ZNF678: variants seen among roughly 807,000 people sequenced by gnomAD.
The protein encoded by ZNF678 is zinc finger protein 678, also known as hypothetical protein MGC42493.
A neutral mutation model predicts 3.0 loss-of-function variants in ZNF678; 5 were observed. That is an observed-to-expected ratio of 1.69 (90% CI 0.88 to 3.56). The LOEUF (loss-of-function observed/expected upper bound fraction) is 3.56, where lower values mean the gene tolerates loss of function less well. Among genes scored for constraint, ZNF678 ranks in the 30% most tolerant of loss-of-function variants. The pLI is 0.00. For synonymous variants in ZNF678, 218 were observed against 199.6 expected (o/e 1.09, Z -0.78); for missense variants, 593 against 605.0 (o/e 0.98, Z 0.21).
At chr1:227,576,331 C>T (rs1656986045) in intron 1 of ZNF678, among the ~76,000 whole-genome samples, 1 of 152,204 alleles carries the variant, frequency 6.6e-6, no homozygotes, top group Non-Finnish European at 1.5e-5. Flanking sequence ...ATGGAACCAG[C>T]TGTTCTTTGT....
At chr1:227,629,109 GGGGCTA>G in intron 1 of ZNF678, among the ~76,000 whole-genome samples, 1 of 152,282 alleles carries the variant, frequency 6.6e-6, no homozygotes, top group South Asian at 2.1e-4. Context: ...GAGTATTGCA[GGGGCTA>G]TTGCATGGTT....
At chr1:227,662,856 T>G, downstream of ZNF678, among the ~76,000 whole-genome samples, 1 of 152,224 alleles carries the variant, frequency 6.6e-6, no homozygotes, top group East Asian at 1.9e-4. Context: ...AAGTTACCCC[T>G]TTCTGCAGGT....
chr1:227,642,122 A>G (rs1232628105), intron 1 of ZNF678, among the ~76,000 whole-genome samples: 1 of 152,226 alleles, frequency 6.6e-6, no homozygotes, highest in East Asian at 1.9e-4. Flanking sequence ...GACTCTGCCT[A>G]CAGTCCATAC....
intron 1 of ZNF678, among the ~76,000 whole-genome samples, chr1:227,597,201 G>C (rs966911465): frequency 2.6e-5 from 4 of 152,224 alleles, no homozygotes; most frequent in Admixed American, 6.5e-5. Context: ...GGTTTGGCTA[G>C]TTATCTGCAG....
At chr1:227,599,023 T>C in intron 1 of ZNF678, 1 of 1,510,838 alleles carries the variant, frequency 6.6e-7, no homozygotes, top group Non-Finnish European at 9.2e-7. Flanking sequence ...GTTGCTCTTT[T>C]ACTTCTTCCC....
intron 1 of ZNF678, among the ~76,000 whole-genome samples, chr1:227,601,369 G>A (rs1287204446): frequency 6.6e-6 from 1 of 151,848 alleles, no homozygotes; most frequent in African/African-American, 2.4e-5. Context: ...GCATGACCTT[G>A]GAATTTTTAA....
intron 1 of ZNF678, among the ~76,000 whole-genome samples, chr1:227,602,203 C>T (rs989101197): frequency 1.3e-5 from 2 of 152,130 alleles, no homozygotes; most frequent in Non-Finnish European, 2.9e-5. Context: ...TTGGCAGAGA[C>T]AGATTAGTAA....
chr1:227,568,500 C>T (rs754752356), intron 1 of ZNF678, among the ~76,000 whole-genome samples: 2 of 152,204 alleles, frequency 1.3e-5, no homozygotes, highest in African/African-American at 4.8e-5. Context: ...GGAATTTCTT[C>T]AATCACATGC....
At position 227,660,506 on chromosome 1, in the gene ZNF678, TTTTC is replaced by T; in HGVS notation, c.*4682_*4685del. On this transcript the variant is annotated 3_prime_UTR_variant, in exon 4 of 4. Coordinates refer to ENST00000343776, the MANE Select transcript of ZNF678 (RefSeq NM_001367909.1). ...CTGTAACTATTGCAGGTGTCAATTG[TTTTC>T]TTTATTTCTTTTTCAGATAGTTTGT... is the stretch of plus-strand genomic sequence containing the variant. 6.6e-6 allele frequency: 1 copy of T among 152,206 alleles called. No homozygotes were observed. The highest frequency in any genetic ancestry group is 6.5e-5 in the Admixed American group (1 of 15,280). The allele number at this position is 152,206 out of a possible 1,614,324, so 9.4% of individuals were successfully genotyped here.
rs1658932984 is a variant in ZNF678, at chr1:227,645,469, CA to C, written c.-163-1074del. On this transcript the variant is annotated intron_variant, in intron 1 of 3. Coordinates refer to ENST00000343776, the MANE Select transcript of ZNF678 (RefSeq NM_001367909.1). ...TTAAAATTTTTCTTCTTATGATAGT[CA>C]GGGGGCTCTGAAAAATATTTCTTTC... Among the ~76,000 whole-genome samples the C allele has an allele frequency of 8.5e-5, 13 of 152,244 alleles. No homozygotes were observed. The South Asian group carries it at 2.5e-3, about 29-fold the overall frequency.
chr1:227,659,933 T>A lies in ZNF678; in HGVS notation c.*4105T>A, dbSNP rs559683677. The A allele has an allele frequency of 6.6e-6, 1 of 152,048 alleles. No individual in the cohort carries two copies. Among genetic ancestry groups the A allele is most frequent in the East Asian group, 1.9e-4 (1 of 5,170 alleles). 9.4% of individuals were successfully genotyped at this position (152,048 alleles called of 1,614,324 possible). A position where few individuals can be genotyped will look rare whatever the true frequency, so the allele number is the denominator to read the frequency against. On this transcript the variant is annotated 3_prime_UTR_variant, in exon 4 of 4. Transcript: ENST00000343776. ...TAACTGTATTCACTCTGCACTACAA[T>A]AGGTCTCTTGAACTAATTCCTCCTA...
chr1:227,588,501 T>C (rs962503961), intron 1 of ZNF678, among the ~76,000 whole-genome samples: 2 of 99,954 alleles, frequency 2.0e-5, no homozygotes, highest in African/African-American at 1.0e-4. Flanking sequence ...CTGTTGTTTT[T>C]TTTACTTTTT....
At chr1:227,580,834 G>A (rs1173361570) in intron 1 of ZNF678, among the ~76,000 whole-genome samples, 2 of 151,950 alleles carry the variant, frequency 1.3e-5, no homozygotes, top group Non-Finnish European at 2.9e-5. Context: ...GGAGGCTGAG[G>A]CAGGAGAATT....
chr1:227,655,971 A>C lies in ZNF678; in HGVS notation c.*143A>C. On this transcript the variant is annotated 3_prime_UTR_variant, in exon 4 of 4. Transcript: ENST00000343776. ...TGAATGAAATTTATAAATATAAAAG[A>C]TTACAATATCTTTATTTCAAAGATC... 1 of 580,008 alleles carries C rather than the reference A, an allele frequency of 1.7e-6. No individual in the cohort carries two copies. The highest frequency in any genetic ancestry group is 2.7e-6 in the Non-Finnish European group (1 of 366,196). 35.9% of individuals were successfully genotyped at this position (580,008 alleles called of 1,614,324 possible). A position where few individuals can be genotyped will look rare whatever the true frequency, so the allele number is the denominator to read the frequency against.
chr1:227,654,268 T>C (rs1310694281), intron 3 of ZNF678, 68 bp from the exon 4 acceptor site: 1 of 1,171,882 alleles, frequency 8.5e-7, no homozygotes, highest in African/African-American at 1.6e-5. Context: ...ATTATATTTA[T>C]TAGATTTGTA....
chr1:227,597,312 C>T (rs901632032), intron 1 of ZNF678, among the ~76,000 whole-genome samples: 1 of 152,190 alleles, frequency 6.6e-6, no homozygotes, highest in South Asian at 2.1e-4. Flanking sequence ...GTGTTCCTTG[C>T]CCTCATTCCG....
At chr1:227,627,911 T>C (rs1466223465) in intron 1 of ZNF678, among the ~76,000 whole-genome samples, 10 of 152,248 alleles carry the variant, frequency 6.6e-5, no homozygotes, top group Non-Finnish European at 1.2e-4. Flanking sequence ...GCGGTGTAGG[T>C]TTGAACAATC....
At chr1:227,583,740 T>C (rs1415645850) in intron 1 of ZNF678, among the ~76,000 whole-genome samples, 1 of 152,180 alleles carries the variant, frequency 6.6e-6, no homozygotes. Flanking sequence ...TACATAATTT[T>C]CCCAGTCATA....
At chr1:227,618,215 A>G (rs749902892) in intron 1 of ZNF678, among the ~76,000 whole-genome samples, 39 of 152,314 alleles carry the variant, frequency 2.6e-4, no homozygotes, top group African/African-American at 8.2e-4. Flanking sequence ...CAACATCAGC[A>G]TCTTCACAAA....
Sources: gnomAD v4.1 joint callset for allele counts (sites outside exome capture counted in the v4.1 genomes callset) on GRCh38, gnomAD v4.1.1 for gene constraint, MANE v1.5 for transcripts, NCBI Gene and HGNC (gene_info 2026-07-23, HGNC 2026-07-21) for gene names.